The following NOX4 variants were observed in gnomAD, a reference collection of about 807,000 sequenced individuals.
The protein encoded by NOX4 is kidney oxidase-1.
Under a neutral mutation model 87.6 loss-of-function variants are expected in NOX4, and 69 were observed. That is an observed-to-expected ratio of 0.79 (90% CI 0.65 to 0.96). The LOEUF (loss-of-function observed/expected upper bound fraction) is 0.96, where lower values mean the gene tolerates loss of function less well. Among genes scored for constraint, NOX4 ranks in the 40% least tolerant of loss-of-function variants. NOX4 has a pLI of 0.00. For missense variants in NOX4, 680 were observed against 681.5 expected, an observed-to-expected ratio of 1.00 and a Z score of 0.02; for synonymous variants, 275 against 238.2, an observed-to-expected ratio of 1.15 and a Z score of -1.42.
chr11:89,378,583 T>A (rs1448394224), intron 11 of NOX4, among the ~76,000 whole-genome samples: 1 of 151,884 alleles, frequency 6.6e-6, no homozygotes, highest in African/African-American at 2.4e-5. Context: ...ACCTTACACA[T>A]AGAAGGTATC....
Position 89,435,908 on chromosome 11 carries a change from A to G in NOX4, c.476-3052T>C, listed in dbSNP as rs539450403. On this transcript the variant is annotated intron_variant, in intron 6 of 17. Transcript: ENST00000263317. The stretch of plus-strand genomic sequence containing the variant: ...TTCCTTCTTATTTCTCAAAAGTAAA[A>G]AAGACCAAAGTGTACAATTAATAAA... Among the ~76,000 whole-genome samples the G allele has an allele frequency of 2.0e-5, 3 of 152,272 alleles. No individual in the cohort carries two copies. In the South Asian group the frequency reaches 6.2e-4, roughly 32 times the overall value.
At chr11:89,384,179 T>G (rs1020081228) in intron 11 of NOX4, among the ~76,000 whole-genome samples, 1 of 152,082 alleles carries the variant, frequency 6.6e-6, no homozygotes, top group African/African-American at 2.4e-5. Context: ...CCATATACTC[T>G]CCTATCTGCA....
the NOX4 span, among the ~76,000 whole-genome samples, chr11:89,564,775 C>A: frequency 6.6e-6 from 1 of 150,948 alleles, no homozygotes; most frequent in Admixed American, 6.6e-5. Flanking sequence ...AATAGTTTCC[C>A]ATCCCAATGT....
At chr11:89,354,910 C>G in intron 13 of NOX4, 52 bp downstream of exon 13, 3 of 1,197,268 alleles carry the variant, frequency 2.5e-6, no homozygotes, top group Non-Finnish European at 3.7e-6. Flanking sequence ...CAAATCTCTC[C>G]CAGCACTATG....
chr11:89,355,828 CAT>C (rs1197620117), intron 12 of NOX4, among the ~76,000 whole-genome samples: 1 of 152,122 alleles, frequency 6.6e-6, no homozygotes, highest in Middle Eastern at 3.2e-3. Context: ...GAAACTTTCA[CAT>C]GTGTCTTAGA....
intron 8 of NOX4, among the ~76,000 whole-genome samples, chr11:89,407,285 G>A (rs1942239524): frequency 6.7e-6 from 1 of 149,762 alleles, no homozygotes; most frequent in South Asian, 2.1e-4. Flanking sequence ...CAAAAAACAA[G>A]AAGGGAAAAA....
At chr11:89,579,036 T>A in the NOX4 span, among the ~76,000 whole-genome samples, 1 of 152,028 alleles carries the variant, frequency 6.6e-6, no homozygotes, top group Admixed American at 6.6e-5. Flanking sequence ...TATTTTTAAG[T>A]GAAAGAAGCC....
At chr11:89,575,135 A>G in the NOX4 span, among the ~76,000 whole-genome samples, 4 of 151,984 alleles carry the variant, frequency 2.6e-5, no homozygotes, top group African/African-American at 9.7e-5. Context: ...GTGAGCCAAG[A>G]TTGTGCCTTT....
chr11:89,539,166 G>C, the NOX4 span, among the ~76,000 whole-genome samples: 3 of 152,140 alleles, frequency 2.0e-5, no homozygotes, highest in African/African-American at 7.2e-5. Context: ...GGATGCGGTG[G>C]CTCACGCCTG....
At chr11:89,470,840 T>C (rs562677903) in intron 2 of NOX4, among the ~76,000 whole-genome samples, 5 of 152,244 alleles carry the variant, frequency 3.3e-5, no homozygotes, top group African/African-American at 1.2e-4. Flanking sequence ...AGCTCCCAGA[T>C]GCATTATGAA....
Position 89,386,533 on chromosome 11 carries a change from A to G in NOX4, c.1075-13041T>C, listed in dbSNP as rs374529388. On this transcript the variant is annotated intron_variant, in intron 11 of 17. Transcript: ENST00000263317. Reference sequence around the variant, plus strand: ...ATTCTTGTTCCCATTCTTATGCCACACTCTACCTCTCCCCAACTATCCCCA... The same window carrying G: ...ATTCTTGTTCCCATTCTTATGCCACGCTCTACCTCTCCCCAACTATCCCCA... 5.9e-5 allele frequency among the ~76,000 whole-genome samples: 9 copies of G among 151,600 alleles called. No individual in the cohort carries two copies. In the East Asian group the frequency reaches 1.8e-3, roughly 30 times the overall value.
intron 3 of NOX4, among the ~76,000 whole-genome samples, chr11:89,449,869 TG>T (rs1283634632): frequency 6.6e-6 from 1 of 152,210 alleles, no homozygotes; most frequent in Non-Finnish European, 1.5e-5. Flanking sequence ...CATCAGTGGT[TG>T]TTCTGGCAGA....
intron 8 of NOX4, among the ~76,000 whole-genome samples, chr11:89,407,163 A>T (rs1942232183): frequency 1.3e-5 from 2 of 152,162 alleles, no homozygotes; most frequent in Non-Finnish European, 2.9e-5. Context: ...TTAAAAGCAA[A>T]CAATAAACAC....
intron 7 of NOX4, among the ~76,000 whole-genome samples, chr11:89,428,538 A>C (rs1211656706): frequency 6.6e-6 from 1 of 152,002 alleles, no homozygotes; most frequent in East Asian, 1.9e-4. Flanking sequence ...AGCAAATGGA[A>C]AACAAAAAAA....
intron 8 of NOX4, among the ~76,000 whole-genome samples, chr11:89,407,868 C>A (rs1942271843): frequency 6.6e-6 from 1 of 152,010 alleles, no homozygotes; most frequent in South Asian, 2.1e-4. Context: ...AAATATCCCA[C>A]AAATGAGTGT....
the NOX4 span, among the ~76,000 whole-genome samples, chr11:89,518,124 A>G: frequency 6.6e-6 from 1 of 152,116 alleles, no homozygotes; most frequent in Non-Finnish European, 1.5e-5. Flanking sequence ...ACTTTGAAAA[A>G]CATTGACATA....
the NOX4 span, among the ~76,000 whole-genome samples, chr11:89,522,078 G>C: frequency 1.3e-5 from 2 of 152,142 alleles, no homozygotes; most frequent in African/African-American, 4.8e-5. Flanking sequence ...CTGCTGGAGG[G>C]AATGTCAATT....
chr11:89,491,078 G>A lies in NOX4; in HGVS notation c.57+112C>T, dbSNP rs886722846. ...AAAGTTTTGTAAGTTGAGAATGTTC[G>A]AATTAAGACAAAACTTCCACTTCCA... On this transcript the variant is annotated intron_variant, in intron 1 of 17. Coordinates refer to ENST00000263317, the MANE Select transcript of NOX4 (RefSeq NM_016931.5). The A allele has an allele frequency of 1.0e-5, 11 of 1,083,838 alleles. No homozygotes were observed. The Admixed American group carries it at 1.5e-4, about 14-fold the overall frequency. The allele number at this position is 1,083,838 out of a possible 1,614,324, so 67.1% of individuals were successfully genotyped here. A position where few individuals can be genotyped will look rare whatever the true frequency, so the allele number is the denominator to read the frequency against.
chr11:89,370,936 G>C (rs1208470851), intron 12 of NOX4, among the ~76,000 whole-genome samples: 1 of 151,970 alleles, frequency 6.6e-6, no homozygotes, highest in African/African-American at 2.4e-5. Context: ...GTCCCTGTAT[G>C]CTGCCAATGC....
Sources: allele counts gnomAD v4.1 joint callset (sites outside exome capture counted in the v4.1 genomes callset), GRCh38; gene constraint gnomAD v4.1.1; transcripts MANE v1.5; gene names NCBI Gene and HGNC (gene_info 2026-07-23, HGNC 2026-07-21).